The following FHOD3 variants were observed in gnomAD, a reference collection of about 807,000 sequenced individuals.
The protein encoded by FHOD3 is formin homology 2 domain containing 3, also known as FH1/FH2 domain-containing protein 3.
FHOD3 carries 90 observed loss-of-function variants against 173.0 expected under a neutral mutation model. The observed-to-expected ratio is 0.52, with a 90% CI of 0.44 to 0.62. FHOD3 has a LOEUF of 0.62. FHOD3 is among the 20% of genes least tolerant of loss of function. The pLI is 0.00. For synonymous variants in FHOD3, 828 were observed against 823.0 expected, an observed-to-expected ratio of 1.01 and a Z score of -0.10; for missense variants, 1,945 against 2,034.7, an observed-to-expected ratio of 0.96 and a Z score of 0.85.
intron 3 of FHOD3, among the ~76,000 whole-genome samples, chr18:36,428,705 T>C (rs1022889958): frequency 6.6e-6 from 1 of 152,158 alleles, no homozygotes; most frequent in African/African-American, 2.4e-5. Flanking sequence ...CCTCTAAGAA[T>C]TTATTGCTCT....
At chr18:36,694,941 A>G (rs540866808) in intron 17 of FHOD3, among the ~76,000 whole-genome samples, 1 of 152,134 alleles carries the variant, frequency 6.6e-6, no homozygotes, top group South Asian at 2.1e-4. Flanking sequence ...CAGCTTCAGT[A>G]AGAATACAGA....
intron 5 of FHOD3, among the ~76,000 whole-genome samples, chr18:36,568,311 G>A (rs899795104): frequency 1.0e-5 from 1 of 100,084 alleles, no homozygotes; most frequent in Non-Finnish European, 1.8e-5. Context: ...CTGGGCGACA[G>A]AGCAGACTCT....
At chr18:36,364,475 G>T (rs980057972) in intron 2 of FHOD3, among the ~76,000 whole-genome samples, 6 of 152,158 alleles carry the variant, frequency 3.9e-5, no homozygotes, top group African/African-American at 1.4e-4. Flanking sequence ...TGAATAGTGG[G>T]CTGTATCCAG....
At chr18:36,655,771 A>G (rs2036387104) in intron 13 of FHOD3, among the ~76,000 whole-genome samples, 1 of 138,810 alleles carries the variant, frequency 7.2e-6, no homozygotes, top group African/African-American at 3.0e-5. Flanking sequence ...ACACACACAC[A>G]CAAAAATGCT....
At chr18:36,355,446 T>C (rs1213443690) in intron 1 of FHOD3, 93 bp from the exon 2 acceptor site, 3 of 1,000,570 alleles carry the variant, frequency 3.0e-6, no homozygotes, top group Non-Finnish European at 4.6e-6. Context: ...TGCTTGATTT[T>C]ACAAAACACA....
At chr18:36,528,463 CCTT>C (rs1228436108) in intron 5 of FHOD3, among the ~76,000 whole-genome samples, 4 of 152,140 alleles carry the variant, frequency 2.6e-5, no homozygotes, top group African/African-American at 9.7e-5. Flanking sequence ...CTATGGCTCA[CCTT>C]CTTTTTCCTA....
chr18:36,345,222 C>T (rs541176950), intron 1 of FHOD3, among the ~76,000 whole-genome samples: 7 of 150,864 alleles, frequency 4.6e-5, no homozygotes, highest in South Asian at 4.2e-4. Flanking sequence ...TTTTTTATCA[C>T]GGTGAAATTA....
chr18:36,742,413 C>T (rs530291326), intron 21 of FHOD3, among the ~76,000 whole-genome samples: 21 of 152,134 alleles, frequency 1.4e-4, no homozygotes, highest in Non-Finnish European at 2.5e-4. Flanking sequence ...GTCTAGAAGC[C>T]GAAGGAAGAT....
chr18:36,466,369 G>A (rs951403479), intron 3 of FHOD3, among the ~76,000 whole-genome samples: 2 of 152,200 alleles, frequency 1.3e-5, no homozygotes, highest in African/African-American at 4.8e-5. Context: ...CAGGAGACAA[G>A]CAAGGAGGAC....
intron 1 of FHOD3, among the ~76,000 whole-genome samples, 165 bp from the exon 2 acceptor site, chr18:36,355,374 G>A (rs571234632): frequency 5.9e-5 from 9 of 152,292 alleles, no homozygotes; most frequent in African/African-American, 1.9e-4. Flanking sequence ...TACACAGATT[G>A]TTCCCGATCT....
chr18:36,750,125 T>C (rs1191749890), intron 24 of FHOD3, among the ~76,000 whole-genome samples: 1 of 152,086 alleles, frequency 6.6e-6, no homozygotes, highest in African/African-American at 2.4e-5. Context: ...CTGTCTCTAC[T>C]AAAAATACAA....
At chr18:36,766,725 A>T (rs2043154448) in intron 27 of FHOD3, among the ~76,000 whole-genome samples, 1 of 152,196 alleles carries the variant, frequency 6.6e-6, no homozygotes, top group African/African-American at 2.4e-5. Context: ...TGTTTCCTTT[A>T]AGCATCTCCT....
chr18:36,505,835 G>A (rs1200941516), intron 4 of FHOD3, among the ~76,000 whole-genome samples: 2 of 152,180 alleles, frequency 1.3e-5, no homozygotes. Context: ...GGAAATACGG[G>A]TGCCAAGGAC....
At chr18:36,490,098 G>A (rs2054391603) in intron 3 of FHOD3, among the ~76,000 whole-genome samples, 2 of 152,212 alleles carry the variant, frequency 1.3e-5, no homozygotes, top group South Asian at 4.1e-4. Flanking sequence ...CCTGTACACA[G>A]ATCTTCCATG....
At chr18:36,655,667 A>T (rs1359763293) in intron 13 of FHOD3, among the ~76,000 whole-genome samples, 4 of 152,076 alleles carry the variant, frequency 2.6e-5, no homozygotes, top group Non-Finnish European at 5.9e-5. Flanking sequence ...CCACAGATGG[A>T]CTACTCAGTG....
Position 36,397,566 on chromosome 18 carries a change from T to C in FHOD3, c.337+24822T>C, listed in dbSNP as rs149275514. On this transcript the variant is annotated intron_variant, in intron 3 of 28. Transcript: ENST00000590592. The stretch of plus-strand genomic sequence containing the variant: ...TATGCTCTTCACCCATTATTTGTTA[T>C]ATTTTAATGTAGATTTATATAGAGA... 8.7e-3 allele frequency among the ~76,000 whole-genome samples: 1,318 copies of C among 152,334 alleles called. 16 individuals carry two copies. Among genetic ancestry groups the C allele is most frequent in the African/African-American group, 0.03 (1,244 of 41,580 alleles).
intron 6 of FHOD3, among the ~76,000 whole-genome samples, chr18:36,588,763 T>C (rs900467468): frequency 2.0e-5 from 3 of 152,228 alleles, no homozygotes; most frequent in Non-Finnish European, 4.4e-5. Flanking sequence ...GTCTTTTTAT[T>C]ACCTTCCCAC....
At position 36,625,657 on chromosome 18, in the gene FHOD3, G is replaced by T; in HGVS notation, c.1104G>T (p.Gln368His). ...GAAGGAGCCGCAGGCACTCGGTGCA[G>T]AGCATCAAGAGCACCCTGTCGGCCC... ...DRRRSRRHSV[Q>H]SIKSTLSAPT... is the part of the protein sequence containing the mutation. The change falls in exon 10 of 29, where the codon CAG (glutamine) becomes CAT (histidine). Residue 368 changes from glutamine to histidine, a missense_variant. Physicochemically the swap from Gln to His is conservative, Grantham distance 24. Transcript: ENST00000590592. 1 of 1,612,434 alleles carries T rather than the reference G, an allele frequency of 6.2e-7. No homozygotes were observed. Among genetic ancestry groups the T allele is most frequent in the Non-Finnish European group, 8.5e-7 (1 of 1,179,074 alleles).
At chr18:36,357,052 A>G (rs963420013) in intron 2 of FHOD3, among the ~76,000 whole-genome samples, 15 of 152,210 alleles carry the variant, frequency 9.9e-5, no homozygotes, top group African/African-American at 3.6e-4. Context: ...TCTGTTGTCC[A>G]GGAGCCCCCA....
Sources: gnomAD v4.1 joint callset for allele counts (sites outside exome capture counted in the v4.1 genomes callset) on GRCh38, gnomAD v4.1.1 for gene constraint, MANE v1.5 for transcripts, NCBI Gene and HGNC (gene_info 2026-07-23, HGNC 2026-07-21) for gene names.